TNKS: variants seen among roughly 807,000 people sequenced by gnomAD.
TNKS encodes tankyrase.
In TNKS, 72 loss-of-function variants were observed where a neutral mutation model predicts 135.8. The ratio of observed to expected loss-of-function variants is 0.53; its 90% CI spans 0.44 to 0.64. The LOEUF is 0.64. Among genes scored for constraint, TNKS ranks in the 30% least tolerant of loss-of-function variants. The probability of loss-of-function intolerance (pLI) is 0.00; values close to 1 mark genes in which losing one functional copy is unlikely to be tolerated. For missense variants in TNKS, 1,769 were observed against 1,674.0 expected (o/e 1.06, Z -0.99); for synonymous variants, 849 against 649.3 (o/e 1.31, Z -4.68).
intron 24 of TNKS, among the ~76,000 whole-genome samples, chr8:9,765,998 G>A (rs1444559105): frequency 6.6e-6 from 1 of 152,142 alleles, no homozygotes; most frequent in African/African-American, 2.4e-5. Flanking sequence ...CATATACAGT[G>A]AAAATACTTG....
intron 1 of TNKS, chr8:9,557,428 A>G (rs1466279143): frequency 6.8e-6 from 1 of 146,120 alleles, no homozygotes; most frequent in South Asian, 2.2e-4. Flanking sequence ...GTAGTTGATG[A>G]TTTTCTCTCA....
intron 17 of TNKS, among the ~76,000 whole-genome samples, chr8:9,740,147 G>A (rs1215357646): frequency 6.6e-6 from 1 of 150,578 alleles, no homozygotes; most frequent in Non-Finnish European, 1.5e-5. Context: ...GGATTGCAGT[G>A]CCTTGATGCC....
intron 2 of TNKS, among the ~76,000 whole-genome samples, chr8:9,610,298 A>AAT (rs1554448489): frequency 1.4e-5 from 2 of 142,206 alleles, no homozygotes; most frequent in Non-Finnish European, 3.1e-5. Flanking sequence ...AAAAATCTAT[A>AAT]ATATATATAT....
At chr8:9,759,655 C>T (rs563202281) in intron 20 of TNKS, among the ~76,000 whole-genome samples, 5 of 152,072 alleles carry the variant, frequency 3.3e-5, no homozygotes, top group Admixed American at 6.5e-5. Flanking sequence ...TTCCTCCAGA[C>T]GTGCACTGTA....
At chr8:9,620,165 G>T (rs990584614) in intron 3 of TNKS, among the ~76,000 whole-genome samples, 1 of 152,094 alleles carries the variant, frequency 6.6e-6, no homozygotes, top group South Asian at 2.1e-4. Context: ...GGCCAGGATG[G>T]TCTCGATCTC....
intron 3 of TNKS, among the ~76,000 whole-genome samples, chr8:9,665,932 C>A (rs1348238548): frequency 6.6e-6 from 1 of 152,112 alleles, no homozygotes; most frequent in Non-Finnish European, 1.5e-5. Context: ...TCATTCCTAC[C>A]TCTCTTTTTA....
At chr8:9,605,073 T>C (rs7832096) in intron 2 of TNKS, among the ~76,000 whole-genome samples, 43,835 of 151,934 alleles carry the variant, frequency 0.29, 6,623 homozygotes, top group East Asian at 0.39. Flanking sequence ...TACATTTTAA[T>C]GAGGTTTGAC....
chr8:9,712,162 A>G (rs1318109303), intron 11 of TNKS, among the ~76,000 whole-genome samples: 1 of 152,198 alleles, frequency 6.6e-6, no homozygotes, highest in Non-Finnish European at 1.5e-5. Context: ...TAATATAGCC[A>G]TTCAAACTAA....
chr8:9,735,665 T>C (rs956727280), intron 17 of TNKS, among the ~76,000 whole-genome samples, 179 bp downstream of exon 17: 4 of 152,026 alleles, frequency 2.6e-5, no homozygotes, highest in Admixed American at 2.0e-4. Flanking sequence ...ACGGGCATAG[T>C]GGCGGGCACC....
Position 9,702,299 on chromosome 8 carries a change from G to T in TNKS, c.1108-2364G>T, listed in dbSNP as rs565730758. On this transcript the variant is annotated intron_variant, in intron 5 of 26. Coordinates refer to ENST00000310430, the MANE Select transcript of TNKS (RefSeq NM_003747.3). ...GCAAGCTCCAATTGTGGGCATGCAT[G>T]CGTGTGCGTGCACACACACACACAC... is the stretch of plus-strand genomic sequence containing the variant. Among the ~76,000 whole-genome samples the T allele has an allele frequency of 3.4e-4, 51 of 151,720 alleles. 1 individual carries two copies. The Middle Eastern group carries it at 0.014, about 41-fold the overall frequency.
chr8:9,709,522 G>C (rs1353128622), intron 9 of TNKS, among the ~76,000 whole-genome samples: 1 of 151,788 alleles, frequency 6.6e-6, no homozygotes, highest in East Asian at 1.9e-4. Context: ...GCTTATCCTT[G>C]GGCATATAAA....
chr8:9,599,770 T>C (rs764138393), intron 2 of TNKS, among the ~76,000 whole-genome samples: 1 of 150,770 alleles, frequency 6.6e-6, no homozygotes, highest in Admixed American at 6.6e-5. Flanking sequence ...CCTAAGTTAC[T>C]GCAGATGTGA....
intron 3 of TNKS, among the ~76,000 whole-genome samples, chr8:9,658,630 A>G (rs1461312856): frequency 2.0e-5 from 3 of 152,260 alleles, no homozygotes; most frequent in Non-Finnish European, 4.4e-5. Flanking sequence ...CTGCAAAAAC[A>G]TGCCAAATTG....
chr8:9,674,439 T>C (rs990874246), intron 3 of TNKS, among the ~76,000 whole-genome samples: 2 of 152,192 alleles, frequency 1.3e-5, no homozygotes, highest in Non-Finnish European at 2.9e-5. Flanking sequence ...GTGATAATTT[T>C]AAGAGTAAAG....
At chr8:9,680,629 C>G in intron 4 of TNKS, 96 bp from the exon 5 acceptor site, 1 of 777,212 alleles carries the variant, frequency 1.3e-6, no homozygotes, top group Non-Finnish European at 2.2e-6. Context: ...GAAATCAAAG[C>G]AAACCCATAT....
intron 2 of TNKS, among the ~76,000 whole-genome samples, chr8:9,603,980 A>G (rs542135883): frequency 6.6e-6 from 1 of 152,090 alleles, no homozygotes; most frequent in African/African-American, 2.4e-5. Context: ...AGATGTTAAT[A>G]ATTGAAGAGG....
chr8:9,596,803 T>A (rs943339029), intron 2 of TNKS, among the ~76,000 whole-genome samples: 7 of 152,168 alleles, frequency 4.6e-5, no homozygotes, highest in African/African-American at 1.7e-4. Context: ...ATGACACAGG[T>A]TTGAGTGCTG....
In TNKS at chr8:9,661,178, A is replaced by G. The variant is rs966175432; in HGVS notation, c.995-18773A>G. 7.2e-5 allele frequency among the ~76,000 whole-genome samples: 11 copies of G among 152,074 alleles called. No individual in the cohort carries two copies. The South Asian group carries it at 1.7e-3, about 23-fold the overall frequency. ...ACTGCCCAAGGTAATTTCTAGATTC[A>G]ATGCGATCCCCATCAAGCTACCAAT... is the stretch of plus-strand genomic sequence containing the variant. On this transcript the variant is annotated intron_variant, in intron 3 of 26. Coordinates refer to ENST00000310430, the MANE Select transcript of TNKS (RefSeq NM_003747.3).
At chr8:9,619,079 T>C (rs1345770067) in intron 3 of TNKS, among the ~76,000 whole-genome samples, 1 of 152,228 alleles carries the variant, frequency 6.6e-6, no homozygotes, top group Non-Finnish European at 1.5e-5. Flanking sequence ...CCTGTGAATT[T>C]AGAGTCATTT....
Sources: allele counts gnomAD v4.1 joint callset (sites outside exome capture counted in the v4.1 genomes callset), GRCh38; gene constraint gnomAD v4.1.1; transcripts MANE v1.5; gene names NCBI Gene and HGNC (gene_info 2026-07-23, HGNC 2026-07-21).